Variants in NAV2 observed in about 807,000 individuals in gnomAD.
NAV2 encodes neuron navigator 2.
In NAV2, 54 loss-of-function variants were observed where a neutral mutation model predicts 223.2. The ratio of observed to expected loss-of-function variants is 0.24; its 90% CI spans 0.19 to 0.30. NAV2 has a LOEUF of 0.30. Among genes scored for constraint, NAV2 ranks in the 10% least tolerant of loss-of-function variants. NAV2 has a pLI of 1.00. For missense variants in NAV2, 2,806 were observed against 3,147.5 expected, an observed-to-expected ratio of 0.89 and a Z score of 2.60; for synonymous variants, 1,279 against 1,239.3, an observed-to-expected ratio of 1.03 and a Z score of -0.67.
chr11:19,958,521 C>T (rs947143035), intron 10 of NAV2, among the ~76,000 whole-genome samples: 3 of 152,150 alleles, frequency 2.0e-5, no homozygotes, highest in Non-Finnish European at 4.4e-5. Flanking sequence ...GGAGTTTGAC[C>T]TGCAGTCCAG....
At chr11:19,768,926 T>C (rs1185277320) in intron 1 of NAV2, among the ~76,000 whole-genome samples, 1 of 152,190 alleles carries the variant, frequency 6.6e-6, no homozygotes, top group African/African-American at 2.4e-5. Context: ...TCCACTTGTC[T>C]TGAGAACCTA....
intron 1 of NAV2, among the ~76,000 whole-genome samples, chr11:19,801,284 C>G (rs962575770): frequency 6.6e-6 from 1 of 152,326 alleles, no homozygotes; most frequent in Non-Finnish European, 1.5e-5. Flanking sequence ...CGGCCTGCCC[C>G]CTGCCTGTGG....
intron 11 of NAV2, among the ~76,000 whole-genome samples, chr11:20,005,238 C>CATATATATATA (rs1293698285): frequency 4.3e-4 from 35 of 80,926 alleles, no homozygotes; most frequent in African/African-American, 1.0e-3. Context: ...GAGTTTTAAT[C>CATATATATATA]ATATATATAT....
At position 20,112,393 on chromosome 11, in the gene NAV2, A is replaced by G. The variant is rs151319563; in HGVS notation, c.6961-2199A>G. Among the ~76,000 whole-genome samples, 45 of 152,282 alleles carry G rather than the reference A, an allele frequency of 3.0e-4. No individual in the cohort carries two copies. The East Asian group carries it at 8.3e-3, about 28-fold the overall frequency. ...AGGAGTGCTGGTGTCTGGGAAGGCA[A>G]TGAGTCATAGGAGGCTGCATGACTT... On this transcript the variant is annotated intron_variant, in intron 36 of 37. Transcript: ENST00000349880.
intron 1 of NAV2, chr11:19,510,751 G>C (rs1315741823): frequency 1.9e-5 from 1 of 52,280 alleles, no homozygotes; most frequent in African/African-American, 4.3e-5. Context: ...TTTTCATCTA[G>C]GGACACTGGA....
At chr11:19,436,393 T>G (rs1351747467) in intron 1 of NAV2, among the ~76,000 whole-genome samples, 1 of 152,194 alleles carries the variant, frequency 6.6e-6, no homozygotes, top group East Asian at 1.9e-4. Context: ...CATAGATATG[T>G]GAATTTATTT....
intron 1 of NAV2, among the ~76,000 whole-genome samples, chr11:19,813,132 C>T (rs564918350): frequency 2.3e-4 from 35 of 152,296 alleles, no homozygotes; most frequent in African/African-American, 8.4e-4. Flanking sequence ...AGATTCCTCT[C>T]CTGCACTGGC....
At chr11:19,495,611 C>T (rs923095691) in intron 1 of NAV2, among the ~76,000 whole-genome samples, 1 of 152,170 alleles carries the variant, frequency 6.6e-6, no homozygotes, top group Non-Finnish European at 1.5e-5. Flanking sequence ...ATTTATTGAG[C>T]ATCTCCTGTG....
intron 1 of NAV2, among the ~76,000 whole-genome samples, chr11:19,488,403 A>G (rs1158744): frequency 0.42 from 63,330 of 152,140 alleles, 13,628 homozygotes; most frequent in East Asian, 0.54. Context: ...GGCTATGGAT[A>G]GAGAGTATTC....
At chr11:19,617,967 C>T (rs188962361) in intron 1 of NAV2, among the ~76,000 whole-genome samples, 2 of 152,242 alleles carry the variant, frequency 1.3e-5, no homozygotes, top group East Asian at 3.9e-4. Context: ...CTCTCTCCTT[C>T]AAGACTTGCC....
intron 1 of NAV2, among the ~76,000 whole-genome samples, chr11:19,704,378 A>G (rs1422972068): frequency 6.6e-6 from 1 of 152,148 alleles, no homozygotes; most frequent in Non-Finnish European, 1.5e-5. Context: ...AAGTTACATT[A>G]TCATTTCCAT....
At chr11:19,356,796 T>C (rs981042762) in intron 1 of NAV2, among the ~76,000 whole-genome samples, 7 of 152,208 alleles carry the variant, frequency 4.6e-5, no homozygotes, top group East Asian at 1.9e-4. Context: ...AACGGCCTTC[T>C]TCAATCAGCA....
At chr11:19,802,476 G>T (rs1313977254) in intron 1 of NAV2, among the ~76,000 whole-genome samples, 1 of 152,108 alleles carries the variant, frequency 6.6e-6, no homozygotes, top group Non-Finnish European at 1.5e-5. Flanking sequence ...CTGTGAACTG[G>T]CCTCTTGTTC....
rs1216803737 is a variant in NAV2, at chr11:20,044,295, G to A, written c.3199+23G>A. On this transcript the variant is annotated intron_variant, in intron 13 of 37. Coordinates refer to ENST00000349880, the MANE Select transcript of NAV2 (RefSeq NM_145117.5). ...CTGGTAAGAGGCCGGGGCTGTCTTG[G>A]CCCTACAGTTGACATTTTGAAAACC... 3.8e-6 allele frequency: 6 copies of A among 1,581,272 alleles called. No individual in the cohort carries two copies. The East Asian group carries it at 9.0e-5, about 24-fold the overall frequency.
At chr11:19,812,897 G>A (rs2058906922) in intron 1 of NAV2, among the ~76,000 whole-genome samples, 1 of 152,162 alleles carries the variant, frequency 6.6e-6, no homozygotes, top group African/African-American at 2.4e-5. Context: ...TGCACAAATT[G>A]CATCATGAAG....
At chr11:19,555,911 C>G (rs1236824597) in intron 1 of NAV2, among the ~76,000 whole-genome samples, 1 of 151,796 alleles carries the variant, frequency 6.6e-6, no homozygotes, top group African/African-American at 2.4e-5. Flanking sequence ...TAGAGTTCAG[C>G]CTGTGCTTAT....
intron 1 of NAV2, among the ~76,000 whole-genome samples, chr11:19,453,179 C>A (rs1044884434): frequency 2.6e-5 from 4 of 152,206 alleles, no homozygotes; most frequent in African/African-American, 7.2e-5. Flanking sequence ...TCAATTTAGA[C>A]AGCAGACACC....
At position 19,543,201 on chromosome 11, in the gene NAV2, T is replaced by C. The variant is rs142954651; in HGVS notation, c.75+192174T>C. ...CCGATATGGGTGACTTAAAGCAAAT[T>C]GATTAACCTCGTAGAAGCTCAGTTT... On this transcript the variant is annotated intron_variant, in intron 1 of 37. Transcript: ENST00000360655. 3.7e-3 allele frequency among the ~76,000 whole-genome samples: 564 copies of C among 152,322 alleles called. 6 individuals carry two copies. The highest frequency in any genetic ancestry group is 0.013 in the African/African-American group (528 of 41,588).
chr11:20,062,454 G>T (rs1482418181), intron 20 of NAV2, 95 bp downstream of exon 20: 2 of 945,772 alleles, frequency 2.1e-6, no homozygotes, highest in African/African-American at 1.7e-5. Context: ...TTATCCTAGG[G>T]AAAGCATTTC....
Sources: gnomAD v4.1 joint callset for allele counts (sites outside exome capture counted in the v4.1 genomes callset) on GRCh38, gnomAD v4.1.1 for gene constraint, MANE v1.5 for transcripts, NCBI Gene and HGNC (gene_info 2026-07-23, HGNC 2026-07-21) for gene names.